The following SLC24A3 variants were observed in gnomAD, a reference collection of about 807,000 sequenced individuals.
SLC24A3 encodes solute carrier family 24 member 3, also known as sodium/potassium/calcium exchanger 3.
Under a neutral mutation model 75.8 loss-of-function variants are expected in SLC24A3, and 28 were observed. That is an observed-to-expected ratio of 0.37 (90% confidence interval 0.27 to 0.51). The LOEUF (loss-of-function observed/expected upper bound fraction) is 0.51, where lower values mean the gene tolerates loss of function less well. SLC24A3 is among the 20% of genes least tolerant of loss of function. The probability of loss-of-function intolerance (pLI) is 0.94; values close to 1 mark genes in which losing one functional copy is unlikely to be tolerated. For synonymous variants in SLC24A3, 372 were observed against 334.1 expected, an observed-to-expected ratio of 1.11 and a Z score of -1.24; for missense variants, 663 against 847.8, an observed-to-expected ratio of 0.78 and a Z score of 2.71.
At chr20:19,533,262 C>T (rs1162568051) in intron 3 of SLC24A3, among the ~76,000 whole-genome samples, 1 of 152,164 alleles carries the variant, frequency 6.6e-6, no homozygotes, top group Non-Finnish European at 1.5e-5. Context: ...CTCTATGCTT[C>T]TCCAGGTGGC....
At chr20:19,657,300 C>T (rs1462243496) in intron 7 of SLC24A3, among the ~76,000 whole-genome samples, 1 of 152,212 alleles carries the variant, frequency 6.6e-6, no homozygotes, top group African/African-American at 2.4e-5. Flanking sequence ...CAACTTTAGT[C>T]TACACTGGAA....
intron 2 of SLC24A3, among the ~76,000 whole-genome samples, chr20:19,352,764 A>C (rs931805045): frequency 2.0e-5 from 3 of 152,150 alleles, no homozygotes; most frequent in Non-Finnish European, 2.9e-5. Context: ...ATTGTGTAGG[A>C]ATTTCCTGTA....
At chr20:19,694,881 G>A (rs997643926) in intron 13 of SLC24A3, 2 of 152,256 alleles carry the variant, frequency 1.3e-5, no homozygotes, top group Non-Finnish European at 2.9e-5. Flanking sequence ...ATGAACCAGA[G>A]GCCAAGACTG....
intron 2 of SLC24A3, among the ~76,000 whole-genome samples, chr20:19,355,886 G>A (rs901864712): frequency 6.6e-6 from 1 of 152,210 alleles, no homozygotes; most frequent in South Asian, 2.1e-4. Flanking sequence ...CTAACACTGT[G>A]TGGTGTGCTG....
chr20:19,654,016 T>C, intron 6 of SLC24A3, 46 bp from the exon 7 acceptor site: 1 of 1,531,838 alleles, frequency 6.5e-7, no homozygotes, highest in Non-Finnish European at 9.0e-7. Flanking sequence ...GCCATCTCAT[T>C]TGTACAGTCT....
At chr20:19,396,156 G>T (rs1311936429) in intron 2 of SLC24A3, among the ~76,000 whole-genome samples, 7 of 152,148 alleles carry the variant, frequency 4.6e-5, no homozygotes, top group Non-Finnish European at 1.0e-4. Flanking sequence ...TTTCTAATGG[G>T]TATACAAGTT....
intron 2 of SLC24A3, among the ~76,000 whole-genome samples, chr20:19,380,196 T>G (rs1986156992): frequency 6.6e-6 from 1 of 152,140 alleles, no homozygotes; most frequent in African/African-American, 2.4e-5. Flanking sequence ...AAAGTGACAC[T>G]GGGTCTGGAA....
chr20:19,681,177 G>T (rs1362507363), intron 9 of SLC24A3, among the ~76,000 whole-genome samples: 1 of 152,140 alleles, frequency 6.6e-6, no homozygotes, highest in African/African-American at 2.4e-5. Context: ...AGCCTGCTGG[G>T]GCATCTAAGG....
chr20:19,692,842 G>A (rs1430400255), intron 12 of SLC24A3, among the ~76,000 whole-genome samples: 2 of 151,752 alleles, frequency 1.3e-5, no homozygotes, highest in Non-Finnish European at 2.9e-5. Context: ...GGGCGAAAAC[G>A]TGGAAAACAG....
intron 2 of SLC24A3, among the ~76,000 whole-genome samples, chr20:19,398,855 A>G (rs1399587951): frequency 1.3e-5 from 2 of 152,200 alleles, no homozygotes; most frequent in Non-Finnish European, 2.9e-5. Context: ...CATGGGAGCT[A>G]GACAAGTTTT....
chr20:19,416,556 G>GAC (rs1986830609), intron 2 of SLC24A3, among the ~76,000 whole-genome samples: 1 of 152,174 alleles, frequency 6.6e-6, no homozygotes, highest in African/African-American at 2.4e-5. Flanking sequence ...TCTGCCCAAG[G>GAC]ACACCTGCAA....
chr20:19,251,977 T>C (rs1235256368), intron 1 of SLC24A3, among the ~76,000 whole-genome samples: 2 of 152,164 alleles, frequency 1.3e-5, no homozygotes, highest in Admixed American at 1.3e-4. Flanking sequence ...TGAGATTCTG[T>C]ATATCCTGAA....
chr20:19,615,335 C>A (rs1016877828), intron 6 of SLC24A3, among the ~76,000 whole-genome samples: 2 of 152,172 alleles, frequency 1.3e-5, no homozygotes, highest in African/African-American at 4.8e-5. Flanking sequence ...TCTCAAATTG[C>A]TATAACTAAA....
intron 1 of SLC24A3, among the ~76,000 whole-genome samples, chr20:19,246,258 A>C (rs1382364788): frequency 6.6e-6 from 1 of 152,154 alleles, no homozygotes; most frequent in Non-Finnish European, 1.5e-5. Context: ...CAGTGTGATA[A>C]GTTAGAAGAA....
At chr20:19,556,929 G>A (rs1328635897) in intron 3 of SLC24A3, among the ~76,000 whole-genome samples, 2 of 152,060 alleles carry the variant, frequency 1.3e-5, no homozygotes, top group Non-Finnish European at 2.9e-5. Context: ...ATTTCCAGTG[G>A]CCTAAAATGT....
At chr20:19,535,712 TAACA>T (rs1399823605) in intron 3 of SLC24A3, among the ~76,000 whole-genome samples, 2 of 152,190 alleles carry the variant, frequency 1.3e-5, no homozygotes, top group Non-Finnish European at 2.9e-5. Context: ...TGTGTCTGCA[TAACA>T]AACAAAAAGA....
At chr20:19,611,994 G>C (rs1290096918) in intron 6 of SLC24A3, among the ~76,000 whole-genome samples, 1 of 152,120 alleles carries the variant, frequency 6.6e-6, no homozygotes, top group Non-Finnish European at 1.5e-5. Flanking sequence ...TCCCCACTGA[G>C]GTGTTATGTC....
intron 3 of SLC24A3, among the ~76,000 whole-genome samples, chr20:19,564,958 G>A (rs955653085): frequency 2.2e-4 from 34 of 152,256 alleles, no homozygotes; most frequent in African/African-American, 7.7e-4. Context: ...ACAGGCATGC[G>A]CCACCCTGCT....
At chr20:19,477,399 T>C (rs1987979031) in intron 2 of SLC24A3, among the ~76,000 whole-genome samples, 1 of 152,190 alleles carries the variant, frequency 6.6e-6, no homozygotes, top group African/African-American at 2.4e-5. Flanking sequence ...TTGCAACTGG[T>C]AGAACCTGCA....
Sources: allele counts gnomAD v4.1 joint callset (sites outside exome capture counted in the v4.1 genomes callset), GRCh38; gene constraint gnomAD v4.1.1; transcripts MANE v1.5; gene names NCBI Gene and HGNC (gene_info 2026-07-23, HGNC 2026-07-21).